Variants in PPP1CC observed in about 807,000 individuals in gnomAD.
PPP1CC encodes protein phosphatase 1 catalytic subunit gamma.
PPP1CC carries 16 observed loss-of-function variants against 38.4 expected under a neutral mutation model. That is an observed-to-expected ratio of 0.42 (90% CI 0.28 to 0.63). The LOEUF is 0.63. Among genes scored for constraint, PPP1CC ranks in the 30% least tolerant of loss-of-function variants. The pLI, the probability that PPP1CC is intolerant of heterozygous loss-of-function variation, is 0.25. For missense variants in PPP1CC, 170 were observed against 391.3 expected (o/e 0.43, Z 4.77); for synonymous variants, 158 against 136.0 (o/e 1.16, Z -1.13).
downstream of PPP1CC, among the ~76,000 whole-genome samples, chr12:110,717,415 TAA>T (rs1261886729): frequency 6.6e-6 from 1 of 151,812 alleles, no homozygotes; most frequent in African/African-American, 2.4e-5. Flanking sequence ...TTTGTTTGTT[TAA>T]GAGTCTCGCT....
chr12:110,713,237 A>G, the PPP1CC span, among the ~76,000 whole-genome samples: 1 of 151,748 alleles, frequency 6.6e-6, no homozygotes, highest in Non-Finnish European at 1.5e-5. Context: ...GGTTCAAGCA[A>G]TTCTCCTGCC....
intron 3 of PPP1CC, among the ~76,000 whole-genome samples, chr12:110,727,121 A>G (rs145861837): frequency 9.9e-5 from 15 of 152,104 alleles, no homozygotes; most frequent in African/African-American, 3.6e-4. Context: ...TTTAATAGAG[A>G]TGGGTTTTCC....
downstream of PPP1CC, among the ~76,000 whole-genome samples, chr12:110,718,948 T>C (rs138897026): frequency 6.6e-6 from 1 of 152,118 alleles, no homozygotes; most frequent in African/African-American, 2.4e-5. Context: ...ACTCCAATAA[T>C]GATATAATCC....
intron 3 of PPP1CC, among the ~76,000 whole-genome samples, chr12:110,727,917 TACCA>T (rs1240707401): frequency 3.1e-4 from 47 of 152,232 alleles, no homozygotes; most frequent in Non-Finnish European, 2.1e-4. Flanking sequence ...TCGAAACTGA[TACCA>T]ACCAACACTG....
intron 3 of PPP1CC, chr12:110,726,783 C>T (rs537652155): frequency 2.0e-5 from 3 of 151,356 alleles, no homozygotes; most frequent in Non-Finnish European, 4.4e-5. Context: ...AATTATAACA[C>T]AAATATTCCA....
At chr12:110,717,792 G>A (rs1361464526), downstream of PPP1CC, among the ~76,000 whole-genome samples, 1 of 152,136 alleles carries the variant, frequency 6.6e-6, no homozygotes, top group African/African-American at 2.4e-5. Context: ...CCTCAGCTTT[G>A]TCCCTTCTAC....
At chr12:110,736,982 C>G (rs1440596887) in intron 1 of PPP1CC, among the ~76,000 whole-genome samples, 1 of 152,112 alleles carries the variant, frequency 6.6e-6, no homozygotes, top group South Asian at 2.1e-4. Flanking sequence ...TTAAAATAAT[C>G]CTGTTAAAAA....
At chr12:110,718,648 C>T (rs995417566), downstream of PPP1CC, among the ~76,000 whole-genome samples, 8 of 152,170 alleles carry the variant, frequency 5.3e-5, no homozygotes, top group East Asian at 1.9e-4. Context: ...CAAATACCAC[C>T]GAGTTGAGCA....
chr12:110,709,996 T>C, the PPP1CC span, among the ~76,000 whole-genome samples: 1 of 147,670 alleles, frequency 6.8e-6, no homozygotes, highest in Non-Finnish European at 1.5e-5. Flanking sequence ...AAAAACCCAA[T>C]AGAACTTGAG....
At chr12:110,721,760 G>C (rs2069741796) in intron 6 of PPP1CC, 1 of 268,870 alleles carries the variant, frequency 3.7e-6, no homozygotes, top group East Asian at 6.6e-5. Flanking sequence ...GTGGAAGTTA[G>C]ACTAGAGGGC....
At position 110,719,986 on chromosome 12, in the gene PPP1CC, C is replaced by CT. The variant is rs1566080108; in HGVS notation, c.*1089dup. 1.5e-6 allele frequency: 1 copy of CT among 649,348 alleles called. No individual in the cohort carries two copies. Among genetic ancestry groups the CT allele is most frequent in the Non-Finnish European group, 2.6e-6 (1 of 385,124 alleles). The allele number at this position is 649,348 out of a possible 1,614,324, so 40.2% of individuals were successfully genotyped here. A position where few individuals can be genotyped will look rare whatever the true frequency, so the allele number is the denominator to read the frequency against. ...CACGGTCATCTGTTGAAACAGATTT[C>CT]TTTTTTAACAGATCTTAGTTTAAAA... On this transcript the variant is annotated 3_prime_UTR_variant, in exon 7 of 7. Transcript: ENST00000335007.
intron 1 of PPP1CC, among the ~76,000 whole-genome samples, chr12:110,739,512 A>T (rs140438299): frequency 6.6e-6 from 1 of 152,292 alleles, no homozygotes; most frequent in Admixed American, 6.5e-5. Context: ...GGGTTATTTA[A>T]ACAATCTTAG....
rs1408672822 is a variant in PPP1CC at position 110,742,740 on chromosome 12, G to A, written c.-33C>T. 4.4e-6 allele frequency: 6 copies of A among 1,377,466 alleles called. No homozygotes were observed. Among genetic ancestry groups the A allele is most frequent in the South Asian group, 1.8e-5 (1 of 54,864 alleles). 85.3% of individuals were successfully genotyped at this position (1,377,466 alleles called of 1,614,324 possible). On this transcript the variant is annotated 5_prime_UTR_variant, in exon 1 of 7. Coordinates refer to ENST00000335007, the MANE Select transcript of PPP1CC (RefSeq NM_002710.4). ...CCACCGCCGACCCTCCCGCAGCGGC[G>A]CCGCCGCCGGCTCGCGCCCGGGACT...
intron 3 of PPP1CC, among the ~76,000 whole-genome samples, chr12:110,728,397 C>CAAAAAAAAAAAA (rs1234259790): frequency 7.8e-4 from 61 of 78,004 alleles, no homozygotes; most frequent in African/African-American, 1.5e-3. Context: ...GACTCCGTCT[C>CAAAAAAAAAAAA]AAAAAAAAAA....
Position 110,720,114 on chromosome 12 carries a change from G to C in PPP1CC, c.*962C>G. 6.5e-7 allele frequency: 1 copy of C among 1,537,814 alleles called. No individual in the cohort carries two copies. The highest frequency in any genetic ancestry group is 2.4e-5 in the East Asian group (1 of 42,036). ...CTTCACCGCAGAATAAAGAATGTAG[G>C]CCAAAGAAAGCATAATCGGTCACTC... On this transcript the variant is annotated 3_prime_UTR_variant, in exon 7 of 7. Coordinates refer to ENST00000335007, the MANE Select transcript of PPP1CC (RefSeq NM_002710.4).
Position 110,742,844 on chromosome 12 carries a change from AC to A in PPP1CC, c.-138del, listed in dbSNP as rs1033083339. Reference sequence around the variant, plus strand: ...AGCCGCGGCGGGTCCCCCCCCTGCCACCCCGCTCCCTACTTCCTCCTTCTCT... The same window carrying A: ...AGCCGCGGCGGGTCCCCCCCCTGCCACCCGCTCCCTACTTCCTCCTTCTCT... On this transcript the variant is annotated 5_prime_UTR_variant, in exon 1 of 7. Coordinates refer to ENST00000335007, the MANE Select transcript of PPP1CC (RefSeq NM_002710.4). The A allele has an allele frequency of 5.5e-6, 3 of 542,634 alleles. No homozygotes were observed. The African/African-American group carries it at 6.0e-5, about 11-fold the overall frequency. 33.6% of individuals were successfully genotyped at this position (542,634 alleles called of 1,614,324 possible).
downstream of PPP1CC, among the ~76,000 whole-genome samples, chr12:110,717,939 T>C (rs997030286): frequency 3.3e-5 from 5 of 152,228 alleles, no homozygotes; most frequent in African/African-American, 1.2e-4. Flanking sequence ...TTTTTTGGTA[T>C]CATGATGCCT....
chr12:110,729,736 T>C (rs1028728606), intron 3 of PPP1CC, among the ~76,000 whole-genome samples: 36 of 152,218 alleles, frequency 2.4e-4, no homozygotes, highest in African/African-American at 8.2e-4. Flanking sequence ...TTGCATGCAA[T>C]ATTCTCTAGA....
intron 1 of PPP1CC, chr12:110,732,146 G>A (rs1456830717): frequency 1.8e-6 from 1 of 556,128 alleles, no homozygotes; most frequent in East Asian, 2.9e-5. Flanking sequence ...CATCCTGTCT[G>A]TGCGAATGCT....
Sources: allele counts gnomAD v4.1 joint callset (sites outside exome capture counted in the v4.1 genomes callset), GRCh38; gene constraint gnomAD v4.1.1; transcripts MANE v1.5; gene names NCBI Gene and HGNC (gene_info 2026-07-23, HGNC 2026-07-21).